MYO1E: variants seen among roughly 807,000 people sequenced by gnomAD.
The protein encoded by MYO1E is myosin IE.
In MYO1E, 68 loss-of-function variants were observed where a neutral mutation model predicts 151.1. The observed-to-expected ratio is 0.45, with a 90% confidence interval of 0.37 to 0.55. The LOEUF is 0.55. MYO1E is among the 20% of genes least tolerant of loss of function. The pLI, the probability that MYO1E is intolerant of heterozygous loss-of-function variation, is 0.00. For missense variants in MYO1E, 1,363 were observed against 1,389.3 expected (o/e 0.98, Z 0.30); for synonymous variants, 601 against 501.7 (o/e 1.20, Z -2.64).
At chr15:59,236,937 C>A (rs1450228789) in intron 4 of MYO1E, among the ~76,000 whole-genome samples, 2 of 152,058 alleles carry the variant, frequency 1.3e-5, no homozygotes, top group Non-Finnish European at 2.9e-5. Flanking sequence ...ATTTTACATG[C>A]CCAATAATGG....
chr15:59,262,906 C>G (rs1356376426), intron 2 of MYO1E, among the ~76,000 whole-genome samples: 1 of 152,086 alleles, frequency 6.6e-6, no homozygotes, highest in African/African-American at 2.4e-5. Flanking sequence ...TGGGTGCTTA[C>G]TTAACATGCC....
chr15:59,162,253 C>A (rs1010029325), intron 23 of MYO1E, among the ~76,000 whole-genome samples: 3 of 151,916 alleles, frequency 2.0e-5, no homozygotes, highest in African/African-American at 7.3e-5. Flanking sequence ...ACTATATTGC[C>A]CAGACTAGCT....
At chr15:59,246,893 T>C (rs2080133577) in intron 4 of MYO1E, among the ~76,000 whole-genome samples, 1 of 152,206 alleles carries the variant, frequency 6.6e-6, no homozygotes, top group South Asian at 2.1e-4. Context: ...AGTCTGTGCG[T>C]CATTTATCCT....
At chr15:59,207,877 T>C (rs754856923) in intron 14 of MYO1E, 2 of 1,614,242 alleles carry the variant, frequency 1.2e-6, no homozygotes, top group Non-Finnish European at 1.7e-6. Context: ...AGAAAGTATT[T>C]TGAAGAATCT....
chr15:59,207,088 A>G (rs2079841077), intron 14 of MYO1E: 1 of 1,614,234 alleles, frequency 6.2e-7, no homozygotes, highest in Non-Finnish European at 8.5e-7. Context: ...CGTGAGCAAG[A>G]TGGCGACTGT....
intron 16 of MYO1E, among the ~76,000 whole-genome samples, chr15:59,199,395 T>C: frequency 6.6e-6 from 1 of 152,148 alleles, no homozygotes. Flanking sequence ...CATTATACTT[T>C]ATAGTTGAGT....
intron 1 of MYO1E, among the ~76,000 whole-genome samples, chr15:59,273,715 A>G (rs923351757): frequency 2.0e-5 from 3 of 151,960 alleles, no homozygotes; most frequent in African/African-American, 7.3e-5. Context: ...TTATCAGCAA[A>G]AAAGCTAATA....
At chr15:59,160,100 T>A (rs2079529059) in intron 24 of MYO1E, among the ~76,000 whole-genome samples, 1 of 152,124 alleles carries the variant, frequency 6.6e-6, no homozygotes, top group East Asian at 1.9e-4. Flanking sequence ...CCTCCCAAAG[T>A]GCAGGGATTA....
chr15:59,357,319 G>A (rs939631757), intron 1 of MYO1E, among the ~76,000 whole-genome samples: 1 of 151,980 alleles, frequency 6.6e-6, no homozygotes, highest in Non-Finnish European at 1.5e-5. Flanking sequence ...GAACGAGAAA[G>A]GATTCTACCT....
intron 26 of MYO1E, among the ~76,000 whole-genome samples, chr15:59,144,483 TGAA>T (rs2079429312): frequency 6.6e-6 from 1 of 151,948 alleles, no homozygotes; most frequent in African/African-American, 2.4e-5. Flanking sequence ...TTTTTAGAGA[TGAA>T]GTTTTGCCAT....
In MYO1E at chr15:59,339,853, GTT is replaced by G. The variant is rs11300848; in HGVS notation, c.3+32643_3+32644del. On this transcript the variant is annotated intron_variant, in intron 1 of 27. Coordinates refer to ENST00000288235, the MANE Select transcript of MYO1E (RefSeq NM_004998.4). ...ATTTTATATATACATACTTTTTTTTGTTTTTTTTTTTTTTGACAGAGTCTTGC... is the reference window on the plus strand; with the variant it reads ...ATTTTATATATACATACTTTTTTTTGTTTTTTTTTTTTGACAGAGTCTTGC... 4.7e-4 allele frequency among the ~76,000 whole-genome samples: 63 copies of G among 133,574 alleles called. 3 individuals carry two copies. Among genetic ancestry groups the G allele is most frequent in the South Asian group, 4.2e-3 (18 of 4,258 alleles). 87.6% of individuals were successfully genotyped at this position (133,574 alleles called of 152,430 possible). A position where few individuals can be genotyped will look rare whatever the true frequency, so the allele number is the denominator to read the frequency against.
intron 18 of MYO1E, among the ~76,000 whole-genome samples, chr15:59,186,171 C>G (rs1596356666): frequency 6.6e-6 from 1 of 152,136 alleles, no homozygotes; most frequent in Non-Finnish European, 1.5e-5. Context: ...AAACCTTGTT[C>G]CTAGTCTAAC....
intron 5 of MYO1E, among the ~76,000 whole-genome samples, chr15:59,235,416 G>A (rs1011234413): frequency 4.6e-5 from 7 of 151,112 alleles, no homozygotes; most frequent in African/African-American, 1.7e-4. Context: ...CCCTCAAATG[G>A]CAGCATATAT....
At position 59,135,120 on chromosome 15, in the gene MYO1E, C is replaced by G. The variant is rs1321932371; in HGVS notation, c.*2260G>C. ...TCCCCTGTGGGTCACTTACCTATTT[C>G]AGCACCATTTGTTGGGCATCTCCTT... On this transcript the variant is annotated 3_prime_UTR_variant, in exon 28 of 28. Coordinates refer to ENST00000288235, the MANE Select transcript of MYO1E (RefSeq NM_004998.4). 6.6e-6 allele frequency: 1 copy of G among 152,234 alleles called. No homozygotes were observed. The highest frequency in any genetic ancestry group is 1.5e-5 in the Non-Finnish European group (1 of 68,062). 9.4% of individuals were successfully genotyped at this position (152,234 alleles called of 1,614,324 possible).
At chr15:59,144,712 A>G (rs748247906) in intron 26 of MYO1E, among the ~76,000 whole-genome samples, 16 of 152,172 alleles carry the variant, frequency 1.1e-4, no homozygotes, top group Non-Finnish European at 1.9e-4. Context: ...CAGACTGGAG[A>G]CCTGGAAGCC....
chr15:59,302,618 A>C (rs567691657), intron 1 of MYO1E, among the ~76,000 whole-genome samples: 1 of 152,274 alleles, frequency 6.6e-6, no homozygotes, highest in Admixed American at 6.5e-5. Flanking sequence ...TTTTTTGACT[A>C]GGCGCTGCAT....
In MYO1E at chr15:59,277,564, A is replaced by AAAAAAAAAAAAAC. The variant is rs1555416379; in HGVS notation, c.4-5116_4-5115insGTTTTTTTTTTTT. Among the ~76,000 whole-genome samples the AAAAAAAAAAAAAC allele has an allele frequency of 8.1e-4, 113 of 139,780 alleles. 2 individuals are homozygous for AAAAAAAAAAAAAC. Among genetic ancestry groups the AAAAAAAAAAAAAC allele is most frequent in the African/African-American group, 2.7e-3 (99 of 36,044 alleles). The allele number at this position is 139,780 out of a possible 152,430, so 91.7% of individuals were successfully genotyped here. On this transcript the variant is annotated intron_variant, in intron 1 of 27. Coordinates refer to ENST00000288235, the MANE Select transcript of MYO1E (RefSeq NM_004998.4). ...ATCCCCCCACAAAAAAAAAAAAAAA[A>AAAAAAAAAAAAAC]AAAAAAAAACATCAAAGCCTCATCC... is the stretch of plus-strand genomic sequence containing the variant.
intron 19 of MYO1E, among the ~76,000 whole-genome samples, chr15:59,175,587 T>G (rs2079619803): frequency 6.6e-6 from 1 of 152,202 alleles, no homozygotes; most frequent in South Asian, 2.1e-4. Context: ...AGGACAGATT[T>G]CTAAACCCCA....
At chr15:59,224,222 A>C (rs1395409308) in intron 8 of MYO1E, among the ~76,000 whole-genome samples, 1 of 152,240 alleles carries the variant, frequency 6.6e-6, no homozygotes, top group Non-Finnish European at 1.5e-5. Flanking sequence ...ATGGCACAGA[A>C]AAAGGGTCCT....
Sources: gnomAD v4.1 joint callset for allele counts (sites outside exome capture counted in the v4.1 genomes callset) on GRCh38, gnomAD v4.1.1 for gene constraint, MANE v1.5 for transcripts, NCBI Gene and HGNC (gene_info 2026-07-23, HGNC 2026-07-21) for gene names.